Variants in NUDT12 observed in about 807,000 individuals in gnomAD.
NUDT12 encodes the protein NAD-capped RNA hydrolase NUDT12.
A neutral mutation model predicts 45.7 loss-of-function variants in NUDT12; 42 were observed. That is an observed-to-expected ratio of 0.92 (90% confidence interval 0.72 to 1.19). NUDT12 has a LOEUF of 1.19. Among genes scored for constraint, NUDT12 ranks in the 50% most tolerant of loss-of-function variants. The probability of loss-of-function intolerance (pLI) is 0.00; values close to 1 mark genes in which losing one functional copy is unlikely to be tolerated. For synonymous variants in NUDT12, 206 were observed against 179.7 expected (o/e 1.15, Z -1.17); for missense variants, 590 against 533.1 (o/e 1.11, Z -1.05).
chr5:103,561,858 C>A (rs933432576), intron 1 of NUDT12, among the ~76,000 whole-genome samples: 1 of 152,206 alleles, frequency 6.6e-6, no homozygotes, highest in Non-Finnish European at 1.5e-5. Context: ...CAGCGTCATT[C>A]ACTACCTCCA....
At chr5:103,559,982 A>C (rs1748978329) in intron 2 of NUDT12, 61 bp downstream of exon 2, 2 of 1,185,852 alleles carry the variant, frequency 1.7e-6, no homozygotes. Context: ...TTTTAAAGTA[A>C]ATATGTAACA....
chr5:103,552,303 T>C lies in NUDT12; in HGVS notation c.1192A>G (p.Ile398Val). ...QPWPMPSSLM[I>V]GCLALAVSTE... Reference sequence around the variant, plus strand: ...GACACTGCTAGAGCTAAGCAACCAATCATTAAGGAGGAAGGCATTGGCCAT... The same window carrying C: ...GACACTGCTAGAGCTAAGCAACCAACCATTAAGGAGGAAGGCATTGGCCAT... The change falls in exon 6 of 7, where the codon ATT (isoleucine) becomes GTT (valine). Residue 398 changes from isoleucine to valine, a missense_variant. By Grantham distance (29) the Ile-to-Val change is conservative (BLOSUM62 3). Coordinates refer to ENST00000230792, the MANE Select transcript of NUDT12 (RefSeq NM_031438.4). 1 of 1,613,912 alleles carries C rather than the reference T, an allele frequency of 6.2e-7. No individual in the cohort carries two copies. Among genetic ancestry groups the C allele is most frequent in the Non-Finnish European group, 8.5e-7 (1 of 1,179,884 alleles).
intron 3 of NUDT12, 72 bp downstream of exon 3, chr5:103,558,807 G>T: frequency 9.8e-7 from 1 of 1,022,616 alleles, no homozygotes; most frequent in Non-Finnish European, 1.4e-6. Flanking sequence ...CCTGGAAAGT[G>T]CAAATACATA....
chr5:103,558,746 A>C (rs3734087), intron 3 of NUDT12, 133 bp downstream of exon 3: 2 of 605,088 alleles, frequency 3.3e-6, no homozygotes, highest in Non-Finnish European at 5.7e-6. Flanking sequence ...AACTTTAAGA[A>C]GTTTCTGATG....
chr5:103,555,834 A>T lies in NUDT12; in HGVS notation c.964+97T>A, dbSNP rs1429517316. 5.9e-6 allele frequency: 5 copies of T among 840,428 alleles called. No individual in the cohort carries two copies. In the African/African-American group the frequency reaches 8.7e-5, roughly 15 times the overall value. 52.1% of individuals were successfully genotyped at this position (840,428 alleles called of 1,614,324 possible). On this transcript the variant is annotated intron_variant, in intron 4 of 6. Transcript: ENST00000230792. ...CTTAATGGTTAGACATGTTTTCCAT[A>T]AAAAGGAAAACTCTTTAGCTCCTCA...
At position 103,559,193 on chromosome 5, in the gene NUDT12, G is replaced by A; in HGVS notation, c.482C>T (p.Thr161Ile). Residue 161 changes from threonine to isoleucine, a missense_variant, in exon 3 of 7, where the codon ACT becomes ATT. Thr to Ile is a moderately conservative substitution (Grantham distance 89). Coordinates refer to ENST00000230792, the MANE Select transcript of NUDT12 (RefSeq NM_031438.4). ...GAAACTTTCTTTATTGCCACCTAGAGTAACCAAGGGATTTAAATCTGAGAA... is the reference window on the plus strand; with the variant it reads ...GAAACTTTCTTTATTGCCACCTAGAATAACCAAGGGATTTAAATCTGAGAA... ...ILFSDLNPLV[T>I]LGGNKESFQQ... The A allele has an allele frequency of 1.3e-6, 2 of 1,557,330 alleles. No individual in the cohort carries two copies. The highest frequency in any genetic ancestry group is 1.7e-6 in the Non-Finnish European group (2 of 1,155,784).
intron 4 of NUDT12, among the ~76,000 whole-genome samples, chr5:103,555,335 A>C (rs1748780703): frequency 6.6e-6 from 1 of 152,122 alleles, no homozygotes; most frequent in African/African-American, 2.4e-5. Flanking sequence ...AGAAGTTACT[A>C]ATTCAGCAAA....
Position 103,550,978 on chromosome 5 carries a change from C to T in NUDT12, c.1279-7G>A. On this transcript the variant is annotated splice_polypyrimidine_tract_variant and splice_region_variant and intron_variant, in intron 6 of 6. Coordinates refer to ENST00000230792, the MANE Select transcript of NUDT12 (RefSeq NM_031438.4). ...TGGTCAGAACATCCAGGACCTAAAA[C>T]ACACCATAATAGAATGCATTAGGAT... is the stretch of plus-strand genomic sequence containing the variant. 1 of 1,599,108 alleles carries T rather than the reference C, an allele frequency of 6.3e-7. No homozygotes were observed. The highest frequency in any genetic ancestry group is 1.7e-5 in the Admixed American group (1 of 59,830).
At chr5:103,555,864 TTTTCTC>T in intron 4 of NUDT12, 61 bp downstream of exon 4, 1 of 1,270,784 alleles carries the variant, frequency 7.9e-7, no homozygotes, top group Non-Finnish European at 1.0e-6. Context: ...TCCTCACAAA[TTTTCTC>T]TTTCCAAAAT....
Position 103,554,856 on chromosome 5 carries a change from G to GT in NUDT12, c.965-4dup. 2.3e-6 allele frequency: 3 copies of GT among 1,278,666 alleles called. No individual in the cohort carries two copies. Among genetic ancestry groups the GT allele is most frequent in the Non-Finnish European group, 3.2e-6 (3 of 937,358 alleles). The allele number at this position is 1,278,666 out of a possible 1,614,324, so 79.2% of individuals were successfully genotyped here. A position where few individuals can be genotyped will look rare whatever the true frequency, so the allele number is the denominator to read the frequency against. On this transcript the variant is annotated splice_polypyrimidine_tract_variant and splice_region_variant and intron_variant, in intron 4 of 6. Coordinates refer to ENST00000230792, the MANE Select transcript of NUDT12 (RefSeq NM_031438.4). ...AACTTGCATGATTACTACTGGATCT[G>GT]TTGAAAAAAAAAATCAGATACATGA... is the stretch of plus-strand genomic sequence containing the variant.
chr5:103,561,834 G>T (rs1258757212), intron 1 of NUDT12, among the ~76,000 whole-genome samples: 18 of 152,192 alleles, frequency 1.2e-4, no homozygotes, highest in Admixed American at 1.0e-3. Context: ...CTGCAAAATT[G>T]TCCTTCAAAA....
chr5:103,550,863 A>T lies in NUDT12; in HGVS notation c.1387T>A (p.Ter463LysextTer2). Reference protein sequence around the residue: ...KHWIRINPNL* With the variant: ...KHWIRINPNLK ...TACTCAAAGCTTAGTTCTTAGATTT[A>T]GAGATTAGGATTTATTCTAATCCAG... Residue 463 changes from the stop codon to lysine (K), a stop_lost, in exon 7 of 7, where the codon TAA becomes AAA. Coordinates refer to ENST00000230792, the MANE Select transcript of NUDT12 (RefSeq NM_031438.4). 6.3e-7 allele frequency: 1 copy of T among 1,595,020 alleles called. No homozygotes were observed. Among genetic ancestry groups the T allele is most frequent in the Non-Finnish European group, 8.6e-7 (1 of 1,162,990 alleles).
chr5:103,557,280 G>GGTATATGTATATATATATATAT (rs1491335747), intron 3 of NUDT12, among the ~76,000 whole-genome samples: 1 of 118,894 alleles, frequency 8.4e-6, no homozygotes. Flanking sequence ...ATCTTAAAAT[G>GGTATATGTATATATATATATAT]ATATATATAT....
intron 4 of NUDT12, 41 bp from the exon 5 acceptor site, chr5:103,554,894 A>C: frequency 1.3e-6 from 1 of 770,086 alleles, no homozygotes; most frequent in East Asian, 2.8e-5. Flanking sequence ...GGCAGGAAAA[A>C]CGAATTTAGA....
intron 5 of NUDT12, among the ~76,000 whole-genome samples, chr5:103,552,632 G>A (rs9327885): frequency 0.14 from 20,752 of 151,944 alleles, 1,608 homozygotes; most frequent in Middle Eastern, 0.25. Context: ...TAAACTTTTC[G>A]TTTTTTTAAG....
chr5:103,556,275 AAAATT>A (rs1472709001), intron 3 of NUDT12, among the ~76,000 whole-genome samples, 177 bp from the exon 4 acceptor site: 3 of 149,906 alleles, frequency 2.0e-5, no homozygotes, highest in Non-Finnish European at 4.5e-5. Flanking sequence ...CTGGATTACA[AAAATT>A]AGATTTTTTT....
At chr5:103,559,995 G>T (rs1748979149) in intron 2 of NUDT12, 48 bp downstream of exon 2, 1 of 1,329,306 alleles carries the variant, frequency 7.5e-7, no homozygotes, top group East Asian at 2.3e-5. Flanking sequence ...ATGTAACAAA[G>T]AAATTAAACC....
intron 4 of NUDT12, among the ~76,000 whole-genome samples, chr5:103,555,557 G>C (rs1444613020): frequency 2.0e-5 from 3 of 152,018 alleles, no homozygotes; most frequent in African/African-American, 7.2e-5. Context: ...TTAGAAGAGA[G>C]AATACAGGCA....
chr5:103,560,624 A>T (rs1418851660), intron 1 of NUDT12, among the ~76,000 whole-genome samples: 1 of 152,196 alleles, frequency 6.6e-6, no homozygotes, highest in Non-Finnish European at 1.5e-5. Context: ...GCATTAAAAC[A>T]GATGGAAGTA....
Sources: gnomAD v4.1 joint callset for allele counts (sites outside exome capture counted in the v4.1 genomes callset) on GRCh38, gnomAD v4.1.1 for gene constraint, MANE v1.5 for transcripts, NCBI Gene and HGNC (gene_info 2026-07-23, HGNC 2026-07-21) for gene names.